The following SCAMP1 variants were observed in gnomAD, a reference collection of about 807,000 sequenced individuals.
SCAMP1 encodes the protein secretory carrier-associated membrane protein 1.
SCAMP1 carries 15 observed loss-of-function variants against 41.8 expected under a neutral mutation model. The ratio of observed to expected loss-of-function variants is 0.36; its 90% CI spans 0.24 to 0.55. The LOEUF is 0.55. SCAMP1 is among the 20% of genes least tolerant of loss of function. The probability of loss-of-function intolerance (pLI) is 0.86; values close to 1 mark genes in which losing one functional copy is unlikely to be tolerated. For missense variants in SCAMP1, 341 were observed against 412.6 expected, an observed-to-expected ratio of 0.83 and a Z score of 1.50; for synonymous variants, 135 against 136.8, an observed-to-expected ratio of 0.99 and a Z score of 0.09.
rs1754029220 is a variant in SCAMP1 at position 78,477,344 on chromosome 5, C to CTA, written c.*1678_*1679dup. The CTA allele has an allele frequency of 6.6e-6, 1 of 152,132 alleles. No homozygotes were observed. The highest frequency in any genetic ancestry group is 1.5e-5 in the Non-Finnish European group (1 of 67,976). 9.4% of individuals were successfully genotyped at this position (152,132 alleles called of 1,614,324 possible). ...TATTCTTCAGCGTATGAATTTAAAGCTATTTTTTGTAAATATTTCTAATCA... is the reference window on the plus strand; with the variant it reads ...TATTCTTCAGCGTATGAATTTAAAGCTATATTTTTTGTAAATATTTCTAATCA... On this transcript the variant is annotated 3_prime_UTR_variant, in exon 9 of 9. Transcript: ENST00000621999.
At chr5:78,415,233 A>G (rs1436401853) in intron 2 of SCAMP1, among the ~76,000 whole-genome samples, 1 of 152,170 alleles carries the variant, frequency 6.6e-6, no homozygotes, top group Non-Finnish European at 1.5e-5. Context: ...GATTACAGGC[A>G]TGAGCCACCA....
chr5:78,430,891 G>C (rs1561273257), intron 6 of SCAMP1, among the ~76,000 whole-genome samples: 1 of 152,006 alleles, frequency 6.6e-6, no homozygotes, highest in Admixed American at 6.6e-5. Context: ...AGTGTAGTTA[G>C]TATTTGTTAC....
chr5:78,388,313 A>C (rs1010736886), intron 1 of SCAMP1, among the ~76,000 whole-genome samples: 1 of 152,252 alleles, frequency 6.6e-6, no homozygotes, highest in African/African-American at 2.4e-5. Context: ...GGAAAAGGGA[A>C]GACAGTCTAT....
chr5:78,434,525 T>C (rs7705718), intron 6 of SCAMP1, among the ~76,000 whole-genome samples: 114,046 of 151,832 alleles, frequency 0.75, 43,423 homozygotes, highest in African/African-American at 0.83. Flanking sequence ...TCCTCCTCCC[T>C]CTCCTCCCTT....
intron 1 of SCAMP1, among the ~76,000 whole-genome samples, chr5:78,363,266 G>T (rs1257804750): frequency 6.6e-6 from 1 of 150,688 alleles, no homozygotes; most frequent in Non-Finnish European, 1.5e-5. Context: ...AGGTTGGAGT[G>T]CAGTGGCGCG....
Position 78,478,902 on chromosome 5 carries a change from T to C in SCAMP1, c.*3234T>C, listed in dbSNP as rs1754067214. On this transcript the variant is annotated 3_prime_UTR_variant, in exon 9 of 9. Coordinates refer to ENST00000621999, the MANE Select transcript of SCAMP1 (RefSeq NM_004866.6). The stretch of plus-strand genomic sequence containing the variant: ...TTACACCTAATTTACTAGGAAAATA[T>C]TTTATTCTGTAATTCATGTTAAGAT... The C allele has an allele frequency of 6.6e-6, 1 of 152,204 alleles. No individual in the cohort carries two copies. 9.4% of individuals were successfully genotyped at this position (152,204 alleles called of 1,614,324 possible).
In SCAMP1 at chr5:78,373,067, G is replaced by T. The variant is rs561856343; in HGVS notation, c.57+12339G>T. 9.9e-5 allele frequency among the ~76,000 whole-genome samples: 15 copies of T among 152,222 alleles called. No individual in the cohort carries two copies. In the East Asian group the frequency reaches 2.7e-3, roughly 27 times the overall value. ...TAGGAGGTAGAGAAGCAAACCTTAA[G>T]CAGTGTGGTTCCAGAGCCCACCTTC... On this transcript the variant is annotated intron_variant, in intron 1 of 8. Coordinates refer to ENST00000621999, the MANE Select transcript of SCAMP1 (RefSeq NM_004866.6).
rs111333258 is a variant in SCAMP1 at position 78,438,470 on chromosome 5, T to A, written c.633-11463T>A. On this transcript the variant is annotated intron_variant, in intron 6 of 8. Transcript: ENST00000621999. ...TTATTTCTGCCTTCATTTCGTTTTT[T>A]ACCCCATAGTCATTCAGGAGCAGGT... 8.4e-3 allele frequency among the ~76,000 whole-genome samples: 1,285 copies of A among 152,354 alleles called. 20 individuals are homozygous for A. The highest frequency in any genetic ancestry group is 0.029 in the African/African-American group (1,200 of 41,576).
At position 78,360,704 on chromosome 5, in the gene SCAMP1, C is replaced by T. The variant is rs976243705; in HGVS notation, c.33C>T (p.Asp11=). Reference sequence around the variant, plus strand: ...ATTTCGACAGTAACCCGTTTGCCGACCCGGATCTCAACAATCCCTTCAAGG... The same window carrying T: ...ATTTCGACAGTAACCCGTTTGCCGATCCGGATCTCAACAATCCCTTCAAGG... MSDFDSNPFA[D]PDLNNPFKDP... The change falls in exon 1 of 9, where the codon GAC becomes GAT. Residue 11 remains aspartate, a synonymous_variant. Transcript: ENST00000621999. The T allele has an allele frequency of 2.0e-5, 32 of 1,610,698 alleles. No individual in the cohort carries two copies. In the Admixed American group the frequency reaches 5.0e-4, roughly 25 times the overall value.
At chr5:78,437,179 C>T (rs949836671) in intron 6 of SCAMP1, among the ~76,000 whole-genome samples, 7 of 152,114 alleles carry the variant, frequency 4.6e-5, no homozygotes, top group African/African-American at 1.4e-4. Context: ...TTGACTTCCT[C>T]TTTTCCTAAT....
Position 78,476,811 on chromosome 5 carries a change from A to G in SCAMP1, c.*1143A>G, listed in dbSNP as rs1754015956. ...ATCTAAAATTTCCAGCAATAAAAAA[A>G]AAAGCATTTAACTTGCACCAAGCAA... On this transcript the variant is annotated 3_prime_UTR_variant, in exon 9 of 9. Coordinates refer to ENST00000621999, the MANE Select transcript of SCAMP1 (RefSeq NM_004866.6). The G allele has an allele frequency of 6.6e-6, 1 of 152,596 alleles. No homozygotes were observed. The highest frequency in any genetic ancestry group is 2.4e-5 in the African/African-American group (1 of 41,462). 9.5% of individuals were successfully genotyped at this position (152,596 alleles called of 1,614,324 possible). A position where few individuals can be genotyped will look rare whatever the true frequency, so the allele number is the denominator to read the frequency against.
intron 2 of SCAMP1, among the ~76,000 whole-genome samples, chr5:78,403,524 G>A (rs1173977946): frequency 6.6e-6 from 1 of 152,054 alleles, no homozygotes; most frequent in African/African-American, 2.4e-5. Context: ...ATAAGACGTG[G>A]TGTCTCATGC....
intron 6 of SCAMP1, among the ~76,000 whole-genome samples, chr5:78,440,753 G>A (rs1752900155): frequency 1.3e-5 from 2 of 152,222 alleles, no homozygotes; most frequent in Non-Finnish European, 2.9e-5. Context: ...CAGGGACATT[G>A]AAGTCTGCAG....
At position 78,476,199 on chromosome 5, in the gene SCAMP1, G is replaced by A. The variant is rs977599745; in HGVS notation, c.*531G>A. On this transcript the variant is annotated 3_prime_UTR_variant, in exon 9 of 9. Transcript: ENST00000621999. ...TTTTGTAGTAGATAATGTAAAATTT[G>A]TCATCTTTTTCTTTTCTTTTTTTTA... 2.0e-5 allele frequency: 3 copies of A among 152,324 alleles called. No individual in the cohort carries two copies. The highest frequency in any genetic ancestry group is 4.4e-5 in the Non-Finnish European group (3 of 67,984). The allele number at this position is 152,324 out of a possible 1,614,324, so 9.4% of individuals were successfully genotyped here. A position where few individuals can be genotyped will look rare whatever the true frequency, so the allele number is the denominator to read the frequency against.
intron 1 of SCAMP1, among the ~76,000 whole-genome samples, chr5:78,362,612 G>T (rs1377338817): frequency 6.6e-6 from 1 of 152,184 alleles, no homozygotes; most frequent in African/African-American, 2.4e-5. Flanking sequence ...AGATCATTTA[G>T]GTCTAAAGTA....
chr5:78,405,464 C>G (rs746447041), intron 2 of SCAMP1, among the ~76,000 whole-genome samples: 1 of 152,126 alleles, frequency 6.6e-6, no homozygotes, highest in Non-Finnish European at 1.5e-5. Context: ...ACTTTCTCAC[C>G]TCCTTGAAGT....
intron 7 of SCAMP1, among the ~76,000 whole-genome samples, chr5:78,453,770 C>G (rs532266893): frequency 0.015 from 2,254 of 152,182 alleles, 51 homozygotes; most frequent in African/African-American, 0.052. Context: ...TGTAAATTAC[C>G]TTGGGCAGTA....
chr5:78,367,645 G>A (rs1344099222), intron 1 of SCAMP1, among the ~76,000 whole-genome samples: 1 of 152,204 alleles, frequency 6.6e-6, no homozygotes, highest in Admixed American at 6.5e-5. Flanking sequence ...TTTAAAAGGA[G>A]TGGCAAGCAA....
At chr5:78,396,677 G>T (rs1244608204) in intron 2 of SCAMP1, among the ~76,000 whole-genome samples, 1 of 152,118 alleles carries the variant, frequency 6.6e-6, no homozygotes, top group African/African-American at 2.4e-5. Context: ...AGAGAAGCAA[G>T]ACCTAAACTC....
Sources: gnomAD v4.1 joint callset for allele counts (sites outside exome capture counted in the v4.1 genomes callset) on GRCh38, gnomAD v4.1.1 for gene constraint, MANE v1.5 for transcripts, NCBI Gene and HGNC (gene_info 2026-07-23, HGNC 2026-07-21) for gene names.